Variants in FGD5 observed in about 807,000 individuals in gnomAD.
The protein encoded by FGD5 is FYVE, RhoGEF and PH domain-containing protein 5.
A neutral mutation model predicts 133.4 loss-of-function variants in FGD5; 28 were observed. That is an observed-to-expected ratio of 0.21 (90% CI 0.16 to 0.29). The LOEUF (loss-of-function observed/expected upper bound fraction) is 0.29. FGD5 is among the 10% of genes least tolerant of loss of function. The pLI is 1.00. For synonymous variants in FGD5, 810 were observed against 776.5 expected (o/e 1.04, Z -0.72); for missense variants, 1,858 against 1,895.2 (o/e 0.98, Z 0.36).
upstream of FGD5, among the ~76,000 whole-genome samples, chr3:14,817,303 C>G (rs993938343): frequency 6.6e-6 from 1 of 152,092 alleles, no homozygotes; most frequent in Non-Finnish European, 1.5e-5. Context: ...TTAAGTGATT[C>G]CTCTGCCTCA....
At chr3:14,876,584 AAG>A (rs1291113165) in intron 2 of FGD5, among the ~76,000 whole-genome samples, 1 of 152,248 alleles carries the variant, frequency 6.6e-6, no homozygotes. Flanking sequence ...GAAAAAACAA[AAG>A]AGTGACATTT....
chr3:14,815,313 C>T (rs1380464077), upstream of FGD5, among the ~76,000 whole-genome samples: 5 of 151,736 alleles, frequency 3.3e-5, no homozygotes, highest in Non-Finnish European at 7.4e-5. Flanking sequence ...CACATGTCCT[C>T]TCAGTGAAGC....
chr3:14,820,557 A>G lies in FGD5; in HGVS notation c.1486A>G (p.Thr496Ala), dbSNP rs775161209. The G allele has an allele frequency of 4.3e-6, 7 of 1,612,846 alleles. No homozygotes were observed. Among genetic ancestry groups the G allele is most frequent in the Non-Finnish European group, 5.9e-6 (7 of 1,179,308 alleles). ...GAAGGTGGCCGGCTATGTCCCAGAA[A>G]CCGTCCCTGAAGAAACCGGACCTGA... Reference protein sequence around the residue: ...SGKVAGYVPETVPEETGPEAG... With the variant: ...SGKVAGYVPEAVPEETGPEAG... The change falls in exon 1 of 20, where the codon ACC (threonine) becomes GCC (alanine). Residue 496 changes from threonine to alanine, a missense_variant. Thr to Ala is a moderately conservative substitution (Grantham distance 58, BLOSUM62 0). This residue lies in a region of FGD5 where 1,824 missense variants were observed against 1,848.9 expected (regional missense o/e 0.99). Transcript: ENST00000285046.
In FGD5 at chr3:14,917,133, G is replaced by C. The variant is rs1384319275; in HGVS notation, c.3406-116G>C. ...GCAACGTTTTTGCTCACCTGTGGGGGTTACTGAGGAATACAAGATGCCTGT... is the reference window on the plus strand; with the variant it reads ...GCAACGTTTTTGCTCACCTGTGGGGCTTACTGAGGAATACAAGATGCCTGT... On this transcript the variant is annotated intron_variant, in intron 11 of 19. Transcript: ENST00000285046. This position sits in a 1 kb window ranked among gnomAD's most constrained non-coding sequence, Gnocchi z 4.1. 1.2e-6 allele frequency: 1 copy of C among 850,278 alleles called. No homozygotes were observed. Among genetic ancestry groups the C allele is most frequent in the African/African-American group, 1.7e-5 (1 of 57,908 alleles). The allele number at this position is 850,278 out of a possible 1,614,324, so 52.7% of individuals were successfully genotyped here. A position where few individuals can be genotyped will look rare whatever the true frequency, so the allele number is the denominator to read the frequency against.
At chr3:14,846,469 C>T (rs1356290443) in intron 1 of FGD5, among the ~76,000 whole-genome samples, 1 of 152,200 alleles carries the variant, frequency 6.6e-6, no homozygotes, top group Non-Finnish European at 1.5e-5. Context: ...ACTCTCAGAA[C>T]CCATATTTCA....
At chr3:14,811,771 G>A (rs571433312) in intron 1 of FGD5, among the ~76,000 whole-genome samples, 3 of 152,338 alleles carry the variant, frequency 2.0e-5, no homozygotes, top group South Asian at 2.1e-4. Context: ...CGCCATCTAA[G>A]GGGAGGGCAG....
intron 18 of FGD5, among the ~76,000 whole-genome samples, chr3:14,927,705 G>T (rs984967570): frequency 6.6e-6 from 1 of 152,082 alleles, no homozygotes; most frequent in African/African-American, 2.4e-5. Context: ...TTGCTATTTA[G>T]TAACAGTCCT....
chr3:14,853,884 G>A (rs180797029), intron 1 of FGD5, among the ~76,000 whole-genome samples: 258 of 145,712 alleles, frequency 1.8e-3, no homozygotes, highest in African/African-American at 6.1e-3. Flanking sequence ...TTGGAAGGTC[G>A]TTTAAGGTAA....
In FGD5 at chr3:14,900,940, A is replaced by G. The variant is rs73814861; in HGVS notation, c.3206-63A>G. ...GGCTTGAGGCCTGTGACCTGACACT[A>G]CAGTGGGGAAAATTGATGCCCCTCT... is the stretch of plus-strand genomic sequence containing the variant. On this transcript the variant is annotated intron_variant, in intron 8 of 19. Coordinates refer to ENST00000285046, the MANE Select transcript of FGD5 (RefSeq NM_152536.4). 6,174 of 1,592,894 alleles carry G rather than the reference A, an allele frequency of 3.9e-3. 174 individuals are homozygous for G. In the African/African-American group the frequency reaches 0.068, roughly 17 times the overall value.
At chr3:14,837,803 T>A (rs540257336) in intron 1 of FGD5, among the ~76,000 whole-genome samples, 1 of 152,328 alleles carries the variant, frequency 6.6e-6, no homozygotes, top group East Asian at 1.9e-4. Context: ...GTAGCCTTTT[T>A]CTTGTGTTTC....
chr3:14,832,145 C>T (rs2036722733), intron 1 of FGD5, among the ~76,000 whole-genome samples: 2 of 152,212 alleles, frequency 1.3e-5, no homozygotes, highest in Admixed American at 1.3e-4. Flanking sequence ...GTCTCTTCAT[C>T]ACTGAGCACC....
intron 1 of FGD5, among the ~76,000 whole-genome samples, chr3:14,853,410 C>T (rs763483365): frequency 6.6e-6 from 1 of 152,122 alleles, no homozygotes; most frequent in African/African-American, 2.4e-5. Context: ...TCTCACCAGC[C>T]TGTCTCCTCC....
At chr3:14,921,041 G>A (rs1428247987) in intron 13 of FGD5, among the ~76,000 whole-genome samples, 1 of 152,226 alleles carries the variant, frequency 6.6e-6, no homozygotes, top group African/African-American at 2.4e-5. Flanking sequence ...ATGACTTGAG[G>A]GTGGTGACGA....
intron 10 of FGD5, among the ~76,000 whole-genome samples, chr3:14,908,322 A>G (rs1428218971): frequency 2.6e-5 from 4 of 152,298 alleles, no homozygotes; most frequent in African/African-American, 4.8e-5. Flanking sequence ...TTAAACATCT[A>G]TTTGTATCTC....
chr3:14,856,965 C>T (rs934456272), intron 1 of FGD5, among the ~76,000 whole-genome samples: 4 of 152,046 alleles, frequency 2.6e-5, no homozygotes, highest in African/African-American at 4.8e-5. Context: ...TGCTCCAGTT[C>T]TTAGAGGAAA....
At position 14,917,447 on chromosome 3, in the gene FGD5, C is replaced by T. The variant is rs926897680; in HGVS notation, c.3489+115C>T. ...GACCAGCTGGAAGAGGGAGGCCCTG[C>T]GGAAACAGTGTTGGGCTACAGCAAG... is the stretch of plus-strand genomic sequence containing the variant. On this transcript the variant is annotated intron_variant, in intron 12 of 19. Coordinates refer to ENST00000285046, the MANE Select transcript of FGD5 (RefSeq NM_152536.4). The surrounding 1 kb of genome is among the most constrained non-coding windows in gnomAD (Gnocchi z 4.1). 2.1e-5 allele frequency: 19 copies of T among 921,240 alleles called. No individual in the cohort carries two copies. In the Admixed American group the frequency reaches 2.1e-4, roughly 10 times the overall value. The allele number at this position is 921,240 out of a possible 1,614,324, so 57.1% of individuals were successfully genotyped here.
intron 2 of FGD5, among the ~76,000 whole-genome samples, chr3:14,873,734 CT>C (rs11404810): frequency 6.6e-4 from 93 of 141,950 alleles, no homozygotes; most frequent in Middle Eastern, 3.6e-3. Flanking sequence ...TTTTTTTTTT[CT>C]TTTTTTTTTT....
At chr3:14,879,697 AATG>A (rs1381045260) in intron 2 of FGD5, among the ~76,000 whole-genome samples, 1 of 152,188 alleles carries the variant, frequency 6.6e-6, no homozygotes, top group African/African-American at 2.4e-5. Context: ...GTTTCACAGT[AATG>A]ATAAGTGTCG....
chr3:14,853,111 G>A (rs540766650), intron 1 of FGD5, among the ~76,000 whole-genome samples: 89 of 152,192 alleles, frequency 5.8e-4, no homozygotes, highest in African/African-American at 1.9e-3. Flanking sequence ...TCACATTTGC[G>A]CTGTGCTTTG....
Sources: gnomAD v4.1 joint callset for allele counts (sites outside exome capture counted in the v4.1 genomes callset) on GRCh38, gnomAD v4.1.1 for gene constraint, gnomAD v4.1.1 regional missense constraint, Gnocchi (gnomAD v3.1) non-coding constraint, MANE v1.5 for transcripts, NCBI Gene and HGNC (gene_info 2026-07-23, HGNC 2026-07-21) for gene names.